Variants in PRPF8 observed in about 807,000 individuals in gnomAD.
The protein encoded by PRPF8 is pre-mRNA-processing-splicing factor 8.
PRPF8 carries 64 observed loss-of-function variants against 285.9 expected under a neutral mutation model. The observed-to-expected ratio is 0.22, with a 90% CI of 0.18 to 0.28. PRPF8 has a LOEUF of 0.28. Among genes scored for constraint, PRPF8 ranks in the 10% least tolerant of loss-of-function variants. The pLI is 1.00. For synonymous variants in PRPF8, 1,325 were observed against 1,118.2 expected (o/e 1.18, Z -3.69); for missense variants, 1,426 against 3,026.7 (o/e 0.47, Z 12.41).
intron 2 of PRPF8, 45 bp downstream of exon 2, chr17:1,684,427 C>G: frequency 2.5e-6 from 4 of 1,605,750 alleles, no homozygotes; most frequent in South Asian, 1.1e-5. Flanking sequence ...GCGCGCACAC[C>G]CGCCCCGCCT....
intron 39 of PRPF8, chr17:1,652,599 G>T (rs964322086): frequency 6.5e-6 from 1 of 153,832 alleles, no homozygotes; most frequent in Admixed American, 6.4e-5. Context: ...AGGCTAGCAG[G>T]CAGTGACATG....
At chr17:1,668,349 G>T (rs988128040) in intron 24 of PRPF8, among the ~76,000 whole-genome samples, 1 of 144,922 alleles carries the variant, frequency 6.9e-6, no homozygotes, top group African/African-American at 2.5e-5. Context: ...ATGGGGTCTA[G>T]CATTCTTTTT....
chr17:1,675,598 G>A lies in PRPF8; in HGVS notation c.2872+22C>T, dbSNP rs540150431. On this transcript the variant is annotated intron_variant, in intron 19 of 42. Coordinates refer to ENST00000304992, the MANE Select transcript of PRPF8 (RefSeq NM_006445.4). The surrounding 1 kb of genome is among the most constrained non-coding windows in gnomAD (Gnocchi z 6.0). ...TAAATTCCTGCCCCGTTCCTCACAG[G>A]GCGATCTCATGAAAGTTCTACCTTG... The A allele has an allele frequency of 6.2e-7, 1 of 1,613,840 alleles. No homozygotes were observed. The highest frequency in any genetic ancestry group is 1.1e-5 in the South Asian group (1 of 91,072).
intron 3 of PRPF8, among the ~76,000 whole-genome samples, chr17:1,682,761 T>C (rs1365394568): frequency 6.6e-6 from 1 of 152,176 alleles, no homozygotes; most frequent in Non-Finnish European, 1.5e-5. Context: ...TAAACAAAAC[T>C]TCCAGTTCAT....
chr17:1,680,222 G>A (rs950682463), intron 8 of PRPF8, among the ~76,000 whole-genome samples: 1 of 152,244 alleles, frequency 6.6e-6, no homozygotes. Context: ...TATGAAATGT[G>A]TAGAATAGCC....
chr17:1,669,380 C>T (rs757299312), intron 24 of PRPF8, among the ~76,000 whole-genome samples: 3 of 152,330 alleles, frequency 2.0e-5, no homozygotes, highest in East Asian at 1.9e-4. Flanking sequence ...GCTGGGATTA[C>T]GGGCGTGAGC....
rs181665419 is a variant in PRPF8 at position 1,658,041 on chromosome 17, T to C, written c.5505+212A>G. ...GATTTTTGATAGCCCTGTTCAAGGT[T>C]AGAAATTCAGGAAACAGACCAGCTG... On this transcript the variant is annotated intron_variant, in intron 34 of 42. Coordinates refer to ENST00000304992, the MANE Select transcript of PRPF8 (RefSeq NM_006445.4). This position sits in a 1 kb window ranked among gnomAD's most constrained non-coding sequence, Gnocchi z 4.1. Among the ~76,000 whole-genome samples, 447 of 151,478 alleles carry C rather than the reference T, an allele frequency of 3.0e-3. 3 individuals are homozygous for C. The highest frequency in any genetic ancestry group is 3.5e-3 in the Admixed American group (54 of 15,232).
At position 1,656,499 on chromosome 17, in the gene PRPF8, A is replaced by G; in HGVS notation, c.5686T>C (p.Cys1896Arg). 6.2e-7 allele frequency: 1 copy of G among 1,614,192 alleles called. No homozygotes were observed. The highest frequency in any genetic ancestry group is 8.5e-7 in the Non-Finnish European group (1 of 1,180,028). The change falls in exon 36 of 43, where the codon TGT becomes CGT. Residue 1896 changes from cysteine to arginine, a missense_variant. Cys to Arg is a radical substitution (Grantham distance 180, BLOSUM62 -3). Around this residue, in one of 34 missense-constraint regions of PRPF8, gnomAD observed 29 missense variants for 86.4 expected, o/e 0.34. Transcript: ENST00000304992. Reference sequence around the variant, plus strand: ...TCCCCGAATTTTTCCACCTTGAGACACGCCTGGAAAGGGAGTTGGAGCTCC... The same window carrying G: ...TCCCCGAATTTTTCCACCTTGAGACGCGCCTGGAAAGGGAGTTGGAGCTCC... Reference protein sequence around the residue: ...GSELQLPFQACLKVEKFGDLI... With the variant: ...GSELQLPFQARLKVEKFGDLI...
intron 24 of PRPF8, among the ~76,000 whole-genome samples, chr17:1,669,757 T>C (rs1469933215): frequency 6.6e-6 from 1 of 152,192 alleles, no homozygotes; most frequent in Admixed American, 6.5e-5. Context: ...ACCCCAATTC[T>C]GGACACGTGT....
rs142801153 is a variant in PRPF8 at position 1,682,738 on chromosome 17, G to A, written c.270-445C>T. 9.9e-3 allele frequency among the ~76,000 whole-genome samples: 1,511 copies of A among 152,270 alleles called. 29 individuals are homozygous for A. The highest frequency in any genetic ancestry group is 0.035 in the African/African-American group (1,436 of 41,556). The stretch of plus-strand genomic sequence containing the variant: ...CCCAGCAGCCAGCACAGTTCTCTAA[G>A]TATTTTTTGAAATAAACAAAACTTC... On this transcript the variant is annotated intron_variant, in intron 3 of 42. Coordinates refer to ENST00000304992, the MANE Select transcript of PRPF8 (RefSeq NM_006445.4).
chr17:1,666,506 G>A (rs1911992066), intron 24 of PRPF8, among the ~76,000 whole-genome samples: 1 of 150,038 alleles, frequency 6.7e-6, no homozygotes, highest in Admixed American at 6.7e-5. Flanking sequence ...AGCTGAGACT[G>A]CGACACTGCA....
intron 37 of PRPF8, chr17:1,654,323 C>T (rs532159322): frequency 5.5e-6 from 3 of 542,630 alleles, no homozygotes; most frequent in African/African-American, 3.8e-5. Context: ...CCCCAGAAAC[C>T]CTAGAATACT....
chr17:1,683,353 A>G, intron 3 of PRPF8, 180 bp downstream of exon 3: 3 of 717,952 alleles, frequency 4.2e-6, no homozygotes. Context: ...CAGATCGGGA[A>G]GAGAGGGGAA....
In PRPF8 at chr17:1,658,574, A is replaced by G. The variant is rs748349855; in HGVS notation, c.5328T>C (p.Ile1776=). The G allele has an allele frequency of 8.1e-6, 13 of 1,613,620 alleles. No individual in the cohort carries two copies. Among genetic ancestry groups the G allele is most frequent in the Admixed American group, 3.3e-5 (2 of 60,022 alleles). ...QNYGELFSNQ[I]IWFVDDTNVY... ...CGTTGGTGTCATCCACAAACCAGAT[A>G]ATCTGGTTGGAGAAGAGCTCACCAT... Residue 1776 remains isoleucine, a synonymous_variant, in exon 33 of 43, where the codon ATT becomes ATC. Coordinates refer to ENST00000304992, the MANE Select transcript of PRPF8 (RefSeq NM_006445.4). The surrounding 1 kb of genome is among the most constrained non-coding windows in gnomAD (Gnocchi z 4.1).
chr17:1,682,077 G>A (rs560044187), intron 4 of PRPF8, 39 bp from the exon 5 acceptor site: 2 of 1,612,856 alleles, frequency 1.2e-6, no homozygotes, highest in Admixed American at 1.7e-5. Flanking sequence ...TCTACCCACT[G>A]CCTCCCAACC....
chr17:1,674,621 G>C lies in PRPF8; in HGVS notation c.3120C>G (p.Ile1040Met). The C allele has an allele frequency of 6.2e-7, 1 of 1,614,118 alleles. No homozygotes were observed. The highest frequency in any genetic ancestry group is 8.5e-7 in the Non-Finnish European group (1 of 1,180,038). Residue 1040 changes from isoleucine to methionine, a missense_variant, in exon 21 of 43, where the codon ATC (isoleucine) becomes ATG (methionine). By Grantham distance (10) the Ile-to-Met change is conservative (BLOSUM62 1). This residue lies in a region of PRPF8 where 32 missense variants were observed against 89.2 expected (regional missense o/e 0.36). Transcript: ENST00000304992. ...IIRGLQFASF[I>M]VQYYGLVMDL... ...CCATCACCAGGCCATAATACTGCAC[G>C]ATGAATGAGGCAAACTGCAGGCCTC... is the stretch of plus-strand genomic sequence containing the variant.
In PRPF8 at chr17:1,679,854, A is replaced by G; in HGVS notation, c.1099-55T>C. Reference sequence around the variant, plus strand: ...CTCCTGCTGAACTAGGCACAGACTTAAGATGAGGGAAATTCTCTGGGGCCA... The same window carrying G: ...CTCCTGCTGAACTAGGCACAGACTTGAGATGAGGGAAATTCTCTGGGGCCA... On this transcript the variant is annotated intron_variant, in intron 8 of 42. Transcript: ENST00000304992. This position sits in a 1 kb window ranked among gnomAD's most constrained non-coding sequence, Gnocchi z 4.7. 1 of 1,592,984 alleles carries G rather than the reference A, an allele frequency of 6.3e-7. No homozygotes were observed. The highest frequency in any genetic ancestry group is 1.7e-5 in the Admixed American group (1 of 59,986).
Position 1,654,201 on chromosome 17 carries a change from C to G in PRPF8, c.5988-185G>C, listed in dbSNP as rs1050679317. 18 of 833,584 alleles carry G rather than the reference C, an allele frequency of 2.2e-5. No individual in the cohort carries two copies. In the African/African-American group the frequency reaches 2.8e-4, roughly 13 times the overall value. 51.6% of individuals were successfully genotyped at this position (833,584 alleles called of 1,614,324 possible). Reference sequence around the variant, plus strand: ...TAACACTTCCAAGATTCGTCAGATCCAAGCGGGACAGCACACTGCGTGTGC... The same window carrying G: ...TAACACTTCCAAGATTCGTCAGATCGAAGCGGGACAGCACACTGCGTGTGC... On this transcript the variant is annotated intron_variant, in intron 37 of 42. Transcript: ENST00000304992.
chr17:1,672,827 C>T (rs1426427848), intron 24 of PRPF8: 3 of 582,850 alleles, frequency 5.1e-6, no homozygotes, highest in Non-Finnish European at 9.2e-6. Context: ...ATAAATCCAA[C>T]TTTTACTCTT....
Sources: gnomAD v4.1 joint callset for allele counts (sites outside exome capture counted in the v4.1 genomes callset) on GRCh38, gnomAD v4.1.1 for gene constraint, gnomAD v4.1.1 regional missense constraint, Gnocchi (gnomAD v3.1) non-coding constraint, MANE v1.5 for transcripts, NCBI Gene and HGNC (gene_info 2026-07-23, HGNC 2026-07-21) for gene names.